The following PRKCE variants were observed in gnomAD, a reference collection of about 807,000 sequenced individuals.
PRKCE encodes the protein protein kinase C epsilon, also known as protein kinase C epsilon type.
Under a neutral mutation model 85.4 loss-of-function variants are expected in PRKCE, and 16 were observed. The ratio of observed to expected loss-of-function variants is 0.19; its 90% CI spans 0.13 to 0.28. The LOEUF (loss-of-function observed/expected upper bound fraction) is 0.28, where lower values mean the gene tolerates loss of function less well. Ranked by LOEUF, PRKCE falls within the 10% of genes least tolerant of loss-of-function variation. The pLI is 1.00. For missense variants in PRKCE, 573 were observed against 975.2 expected (o/e 0.59, Z 5.49); for synonymous variants, 388 against 371.5 (o/e 1.04, Z -0.51).
At chr2:45,730,382 T>A (rs996756101) in intron 1 of PRKCE, among the ~76,000 whole-genome samples, 5 of 151,878 alleles carry the variant, frequency 3.3e-5, no homozygotes, top group Non-Finnish European at 7.4e-5. Flanking sequence ...GGTCTCAAAC[T>A]CCTGGCCTCA....
chr2:46,011,676 C>T (rs1228344191), intron 10 of PRKCE, among the ~76,000 whole-genome samples: 1 of 152,190 alleles, frequency 6.6e-6, no homozygotes, highest in Non-Finnish European at 1.5e-5. Flanking sequence ...TGTTTATTAG[C>T]ATCCTTGAGG....
Position 46,169,532 on chromosome 2 carries a change from G to A in PRKCE, c.2067+9780G>A, listed in dbSNP as rs535519321. 9.2e-5 allele frequency among the ~76,000 whole-genome samples: 14 copies of A among 152,320 alleles called. 1 individual carries two copies. The highest frequency in any genetic ancestry group is 3.1e-4 in the African/African-American group (13 of 41,562). ...TTCAGGTGTGAGAGCCCAGCTAGGC[G>A]TGGAAGAGGGTGGCAAATGGCTAGG... On this transcript the variant is annotated intron_variant, in intron 14 of 14. Transcript: ENST00000306156.
chr2:45,899,462 C>A (rs1222349970), intron 2 of PRKCE, among the ~76,000 whole-genome samples: 1 of 151,662 alleles, frequency 6.6e-6, no homozygotes, highest in Admixed American at 6.6e-5. Flanking sequence ...CTCACTGCAG[C>A]CTCAATCTCC....
chr2:46,097,053 G>A (rs1238946767), intron 11 of PRKCE, among the ~76,000 whole-genome samples: 1 of 152,166 alleles, frequency 6.6e-6, no homozygotes, highest in East Asian at 1.9e-4. Flanking sequence ...CAGGTTGGTG[G>A]ATATGTGAGT....
chr2:45,725,147 C>T (rs1053734920), intron 1 of PRKCE, among the ~76,000 whole-genome samples: 2 of 152,222 alleles, frequency 1.3e-5, no homozygotes, highest in African/African-American at 4.8e-5. Context: ...CCATTCTTTA[C>T]ATTCTTAAGA....
At chr2:45,734,560 GAATCTGAC>G (rs1404354233) in intron 1 of PRKCE, among the ~76,000 whole-genome samples, 1 of 152,208 alleles carries the variant, frequency 6.6e-6, no homozygotes, top group Non-Finnish European at 1.5e-5. Flanking sequence ...GTATGACTGG[GAATCTGAC>G]AAACACAAAA....
At chr2:45,744,469 CTTTCTT>C (rs1225619640) in intron 1 of PRKCE, among the ~76,000 whole-genome samples, 4 of 50,726 alleles carry the variant, frequency 7.9e-5, no homozygotes, top group Non-Finnish European at 1.5e-4. Context: ...TTCTTTCTTT[CTTTCTT>C]TCTTTCTTTC....
chr2:46,151,302 C>T lies in PRKCE; in HGVS notation c.1920+73C>T, dbSNP rs911221346. On this transcript the variant is annotated intron_variant, in intron 13 of 14. Transcript: ENST00000306156. ...CCCTACACACACACACACACACACACACACACACACACACACACACACTCC... is the reference window on the plus strand; with the variant it reads ...CCCTACACACACACACACACACACATACACACACACACACACACACACTCC... The T allele has an allele frequency of 5.0e-3, 5,680 of 1,145,918 alleles. 46 individuals are homozygous for T. Among genetic ancestry groups the T allele is most frequent in the Non-Finnish European group, 4.5e-3 (3,629 of 800,594 alleles). 71.0% of individuals were successfully genotyped at this position (1,145,918 alleles called of 1,614,324 possible). A position where few individuals can be genotyped will look rare whatever the true frequency, so the allele number is the denominator to read the frequency against.
At chr2:45,778,311 T>C (rs1685917311) in intron 1 of PRKCE, among the ~76,000 whole-genome samples, 1 of 152,182 alleles carries the variant, frequency 6.6e-6, no homozygotes, top group African/African-American at 2.4e-5. Context: ...GGCTTTTATC[T>C]TCCAGTCTTG....
At chr2:45,823,975 C>G (rs1275094117) in intron 1 of PRKCE, among the ~76,000 whole-genome samples, 1 of 152,254 alleles carries the variant, frequency 6.6e-6, no homozygotes, top group Non-Finnish European at 1.5e-5. Flanking sequence ...GATGTGCTCA[C>G]TGGCTCACTG....
intron 1 of PRKCE, among the ~76,000 whole-genome samples, chr2:45,744,480 T>C (rs1682923694): frequency 1.9e-5 from 1 of 51,834 alleles, no homozygotes. Context: ...TTTCTTTCTT[T>C]CTTTCTTTTT....
At chr2:46,045,486 G>T (rs1708466079) in intron 10 of PRKCE, among the ~76,000 whole-genome samples, 1 of 152,220 alleles carries the variant, frequency 6.6e-6, no homozygotes, top group Non-Finnish European at 1.5e-5. Context: ...TAGTAATATT[G>T]CAGGAGCTTC....
intron 2 of PRKCE, among the ~76,000 whole-genome samples, chr2:45,949,608 T>C (rs934743904): frequency 1.3e-5 from 2 of 152,142 alleles, no homozygotes; most frequent in African/African-American, 4.8e-5. Context: ...TTCTGTTTAA[T>C]AAATCTTCCC....
chr2:46,110,380 G>A (rs1438311050), intron 11 of PRKCE, among the ~76,000 whole-genome samples: 1 of 152,046 alleles, frequency 6.6e-6, no homozygotes, highest in East Asian at 1.9e-4. Flanking sequence ...ATAAGTAGAG[G>A]CCTATTCAGA....
At chr2:46,100,527 G>T (rs770299819) in intron 11 of PRKCE, among the ~76,000 whole-genome samples, 2 of 152,198 alleles carry the variant, frequency 1.3e-5, no homozygotes, top group Non-Finnish European at 2.9e-5. Flanking sequence ...TGTCAGGATT[G>T]AGAATGCCAC....
At chr2:45,966,323 CGT>C (rs1018472552) in intron 2 of PRKCE, among the ~76,000 whole-genome samples, 8 of 152,242 alleles carry the variant, frequency 5.3e-5, no homozygotes, top group African/African-American at 1.9e-4. Context: ...CTATCTCGCA[CGT>C]GTGTGATGCT....
chr2:46,102,071 C>T (rs1344403479), intron 11 of PRKCE, among the ~76,000 whole-genome samples: 2 of 152,056 alleles, frequency 1.3e-5, no homozygotes, highest in African/African-American at 2.4e-5. Flanking sequence ...GTGTCTCTTC[C>T]CCATTCTGTG....
In PRKCE at chr2:46,127,362, A is replaced by G. The variant is rs192281362; in HGVS notation, c.1593-17731A>G. On this transcript the variant is annotated intron_variant, in intron 11 of 14. Transcript: ENST00000306156. ...TAGAAACAGCTGTATAGACTTGTTT[A>G]TATATATAAAAGAGAGAGCACGCCC... Among the ~76,000 whole-genome samples the G allele has an allele frequency of 2.4e-3, 364 of 152,288 alleles. 1 individual carries two copies. Among genetic ancestry groups the G allele is most frequent in the African/African-American group, 8.2e-3 (339 of 41,570 alleles).
intron 1 of PRKCE, among the ~76,000 whole-genome samples, chr2:45,738,689 G>C (rs1411628471): frequency 3.3e-5 from 5 of 152,174 alleles, no homozygotes; most frequent in African/African-American, 1.2e-4. Context: ...AGGGCCTAAG[G>C]TGTGAATAAC....
Sources: gnomAD v4.1 joint callset for allele counts (sites outside exome capture counted in the v4.1 genomes callset) on GRCh38, gnomAD v4.1.1 for gene constraint, MANE v1.5 for transcripts, NCBI Gene and HGNC (gene_info 2026-07-23, HGNC 2026-07-21) for gene names.